Variants in FUT8 observed in about 807,000 individuals in gnomAD.
The protein encoded by FUT8 is alpha-(1,6)-fucosyltransferase.
A neutral mutation model predicts 71.3 loss-of-function variants in FUT8; 29 were observed. The observed-to-expected ratio is 0.41, with a 90% CI of 0.30 to 0.55. The LOEUF (loss-of-function observed/expected upper bound fraction) is 0.55. Ranked by LOEUF, FUT8 falls within the 20% of genes least tolerant of loss-of-function variation. FUT8 has a pLI of 0.34. For synonymous variants in FUT8, 254 were observed against 239.3 expected, an observed-to-expected ratio of 1.06 and a Z score of -0.57; for missense variants, 544 against 702.1, an observed-to-expected ratio of 0.77 and a Z score of 2.55.
chr14:65,423,002 TC>T (rs1246620943), intron 1 of FUT8, among the ~76,000 whole-genome samples: 3 of 143,636 alleles, frequency 2.1e-5, no homozygotes, highest in Non-Finnish European at 3.0e-5. Flanking sequence ...TTTTTTTTTT[TC>T]GAGACTGAGT....
chr14:65,677,117 TGTGTG>T (rs1892758357), intron 7 of FUT8, among the ~76,000 whole-genome samples: 1 of 81,318 alleles, frequency 1.2e-5, no homozygotes, highest in African/African-American at 4.7e-5. Flanking sequence ...GACATATTTG[TGTGTG>T]TGTGTGTGTG....
chr14:65,373,516 G>A, the FUT8 span, among the ~76,000 whole-genome samples: 1 of 152,022 alleles, frequency 6.6e-6, no homozygotes, highest in Admixed American at 6.6e-5. Context: ...AGGGCTAAAA[G>A]AGCGTTGTAA....
rs1028585661 is a variant in FUT8, at chr14:65,548,409, T to C, written c.-227-12928T>C. Among the ~76,000 whole-genome samples, 9 of 152,252 alleles carry C rather than the reference T, an allele frequency of 5.9e-5. No individual in the cohort carries two copies. The South Asian group carries it at 1.7e-3, about 28-fold the overall frequency. On this transcript the variant is annotated intron_variant, in intron 2 of 10. Transcript: ENST00000673929. The stretch of plus-strand genomic sequence containing the variant: ...TTTTGTTGAGTAAATCAATGGCTTA[T>C]TTCTTTTTATTACTAACTAGTATTC...
intron 7 of FUT8, among the ~76,000 whole-genome samples, chr14:65,701,956 G>C (rs1330661209): frequency 6.6e-6 from 1 of 152,152 alleles, no homozygotes; most frequent in African/African-American, 2.4e-5. Context: ...AATGGAATAG[G>C]ACTAAAGATT....
chr14:65,452,456 G>A (rs932531032), intron 1 of FUT8, among the ~76,000 whole-genome samples: 23 of 152,204 alleles, frequency 1.5e-4, no homozygotes, highest in Non-Finnish European at 2.9e-5. Flanking sequence ...CCTAGAGAGG[G>A]TTTGTAGGGA....
chr14:65,687,247 T>C (rs1893335243), intron 7 of FUT8, among the ~76,000 whole-genome samples: 2 of 152,232 alleles, frequency 1.3e-5, no homozygotes, highest in South Asian at 4.1e-4. Flanking sequence ...TCATCCTTTT[T>C]TACTTTTAAT....
chr14:65,540,096 C>T (rs548128991), intron 2 of FUT8, among the ~76,000 whole-genome samples: 1 of 152,232 alleles, frequency 6.6e-6, no homozygotes, highest in Admixed American at 6.5e-5. Context: ...AGTAAAAGCA[C>T]TTATTGGGGA....
At chr14:65,670,225 A>T (rs1029462261) in intron 7 of FUT8, among the ~76,000 whole-genome samples, 2 of 152,188 alleles carry the variant, frequency 1.3e-5, no homozygotes, top group Non-Finnish European at 2.9e-5. Flanking sequence ...TTCTTTCTAC[A>T]ATCATGATCT....
intron 7 of FUT8, among the ~76,000 whole-genome samples, chr14:65,714,090 A>G (rs1435719846): frequency 6.6e-6 from 1 of 152,140 alleles, no homozygotes; most frequent in Non-Finnish European, 1.5e-5. Flanking sequence ...GAGCATATGG[A>G]TATCCAGTTT....
the FUT8 span, among the ~76,000 whole-genome samples, chr14:65,382,802 A>G: frequency 1.3e-5 from 2 of 152,182 alleles, no homozygotes; most frequent in East Asian, 1.9e-4. Context: ...TTCCTGATAC[A>G]TAGACTCTAT....
At chr14:65,560,324 A>G (rs1885844726) in intron 2 of FUT8, among the ~76,000 whole-genome samples, 1 of 152,120 alleles carries the variant, frequency 6.6e-6, no homozygotes, top group Non-Finnish European at 1.5e-5. Flanking sequence ...CTTTAAAATT[A>G]TCAAAACATT....
rs373544814 is a variant in FUT8, at chr14:65,642,471, C to T, written c.597+12865C>T. Among the ~76,000 whole-genome samples the T allele has an allele frequency of 5.6e-4, 85 of 151,978 alleles. No individual in the cohort carries two copies. The East Asian group carries it at 5.8e-3, about 10-fold the overall frequency. ...TACAAAAATTAGCCAGGCGTGGTGG[C>T]GCACACCTACAATCCCAGCTACTTG... On this transcript the variant is annotated intron_variant, in intron 6 of 10. Coordinates refer to ENST00000673929, the MANE Select transcript of FUT8 (RefSeq NM_001371533.1).
the FUT8 span, among the ~76,000 whole-genome samples, chr14:65,362,052 G>A: frequency 2.6e-5 from 4 of 152,116 alleles, no homozygotes; most frequent in Non-Finnish European, 5.9e-5. Flanking sequence ...CTTTGGTTTC[G>A]CCAGTTGTGA....
intron 1 of FUT8, among the ~76,000 whole-genome samples, chr14:65,431,696 C>T (rs2065479254): frequency 6.6e-6 from 1 of 151,298 alleles, no homozygotes; most frequent in Non-Finnish European, 1.5e-5. Context: ...TCAAGACTAT[C>T]CAACAGAAGC....
chr14:65,433,676 G>C (rs959203596), intron 1 of FUT8, among the ~76,000 whole-genome samples: 1 of 152,194 alleles, frequency 6.6e-6, no homozygotes, highest in Admixed American at 6.5e-5. Flanking sequence ...ATTAAAAGCT[G>C]TCTTGAAGGT....
At chr14:65,456,352 C>G (rs1006089365) in intron 2 of FUT8, among the ~76,000 whole-genome samples, 4 of 152,028 alleles carry the variant, frequency 2.6e-5, no homozygotes, top group African/African-American at 7.3e-5. Flanking sequence ...TTTTTAAATC[C>G]TGGCTTTCAC....
intron 7 of FUT8, among the ~76,000 whole-genome samples, chr14:65,713,158 T>C (rs991101037): frequency 2.0e-5 from 3 of 152,210 alleles, no homozygotes; most frequent in Non-Finnish European, 2.9e-5. Context: ...ACATGCCAAG[T>C]TTGTCTTTCT....
At chr14:65,723,153 A>T (rs1251987905) in intron 8 of FUT8, among the ~76,000 whole-genome samples, 4 of 108,468 alleles carry the variant, frequency 3.7e-5, no homozygotes, top group Admixed American at 1.0e-4. Flanking sequence ...CCCATCAATT[A>T]AAAAAAAAAA....
intron 2 of FUT8, among the ~76,000 whole-genome samples, chr14:65,482,405 G>A (rs1485083775): frequency 6.6e-6 from 1 of 151,684 alleles, no homozygotes; most frequent in East Asian, 1.9e-4. Context: ...AAAATTTTAA[G>A]CAACACCCTC....
Sources: gnomAD v4.1 joint callset for allele counts (sites outside exome capture counted in the v4.1 genomes callset) on GRCh38, gnomAD v4.1.1 for gene constraint, MANE v1.5 for transcripts, NCBI Gene and HGNC (gene_info 2026-07-23, HGNC 2026-07-21) for gene names.